The following CTNNA2 variants were observed in gnomAD, a reference collection of about 807,000 sequenced individuals.
CTNNA2 encodes the protein catenin alpha 2, also known as catenin alpha-2.
CTNNA2 carries 42 observed loss-of-function variants against 101.0 expected under a neutral mutation model. That is an observed-to-expected ratio of 0.42 (90% CI 0.32 to 0.54). CTNNA2 has a LOEUF of 0.54. Among genes scored for constraint, CTNNA2 ranks in the 20% least tolerant of loss-of-function variants. CTNNA2 has a pLI of 0.14. For synonymous variants in CTNNA2, 450 were observed against 456.4 expected (o/e 0.99, Z 0.18); for missense variants, 871 against 1,223.1 (o/e 0.71, Z 4.29).
intron 7 of CTNNA2, among the ~76,000 whole-genome samples, chr2:80,377,218 A>C (rs1297977752): frequency 6.6e-6 from 1 of 152,216 alleles, no homozygotes; most frequent in Non-Finnish European, 1.5e-5. Context: ...TCCAGCCTAT[A>C]AAACAATTTA....
At chr2:79,981,587 A>G (rs1176121009) in intron 7 of CTNNA2, among the ~76,000 whole-genome samples, 3 of 152,160 alleles carry the variant, frequency 2.0e-5, no homozygotes, top group African/African-American at 7.2e-5. Flanking sequence ...CATGTATTCC[A>G]GAAGACAGTT....
intron 2 of CTNNA2, among the ~76,000 whole-genome samples, chr2:79,665,994 G>C (rs928530729): frequency 1.3e-5 from 2 of 152,130 alleles, no homozygotes; most frequent in Non-Finnish European, 2.9e-5. Context: ...CGAACTCCCA[G>C]TTTACACTGT....
chr2:80,017,785 G>C (rs1694261257), intron 7 of CTNNA2, among the ~76,000 whole-genome samples: 2 of 151,996 alleles, frequency 1.3e-5, no homozygotes, highest in South Asian at 4.1e-4. Context: ...AGCGCTTCTG[G>C]TTTAACTTTT....
intron 2 of CTNNA2, among the ~76,000 whole-genome samples, chr2:79,242,890 G>C (rs912427021): frequency 2.6e-5 from 4 of 151,290 alleles, no homozygotes; most frequent in East Asian, 2.0e-4. Context: ...ATTCGTTGAG[G>C]GGGGAGTATG....
At chr2:79,919,507 G>A (rs940345114) in intron 7 of CTNNA2, among the ~76,000 whole-genome samples, 4 of 152,170 alleles carry the variant, frequency 2.6e-5, no homozygotes, top group Non-Finnish European at 2.9e-5. Flanking sequence ...TGACTTAGTA[G>A]CTGAGATTGT....
At chr2:79,300,412 C>T (rs988837816) in intron 2 of CTNNA2, among the ~76,000 whole-genome samples, 3 of 152,084 alleles carry the variant, frequency 2.0e-5, no homozygotes, top group African/African-American at 7.2e-5. Flanking sequence ...TAACAATAGA[C>T]CATAGAATCC....
At chr2:79,258,662 G>A (rs1042051186) in intron 2 of CTNNA2, among the ~76,000 whole-genome samples, 1 of 152,014 alleles carries the variant, frequency 6.6e-6, no homozygotes. Flanking sequence ...GTCAAGTAGT[G>A]GCAGACCAGG....
intron 9 of CTNNA2, among the ~76,000 whole-genome samples, chr2:80,442,477 A>G (rs1682679861): frequency 6.6e-6 from 1 of 152,188 alleles, no homozygotes; most frequent in Non-Finnish European, 1.5e-5. Context: ...ACACACATGC[A>G]GTGACCCCCA....
intron 9 of CTNNA2, among the ~76,000 whole-genome samples, chr2:80,523,264 A>C (rs894917060): frequency 2.0e-5 from 3 of 152,184 alleles, no homozygotes; most frequent in African/African-American, 7.2e-5. Flanking sequence ...GCAGAAAGGA[A>C]AGTGAAGTTG....
intron 1 of CTNNA2, among the ~76,000 whole-genome samples, chr2:79,190,780 G>A (rs1050167121): frequency 2.6e-5 from 4 of 152,110 alleles, no homozygotes; most frequent in Non-Finnish European, 4.4e-5. Flanking sequence ...TTATGTACCC[G>A]AGTTGTGTTC....
chr2:79,229,983 G>A (rs983696352), intron 2 of CTNNA2, among the ~76,000 whole-genome samples: 4 of 152,200 alleles, frequency 2.6e-5, no homozygotes, highest in African/African-American at 9.6e-5. Context: ...AAACAGCAAA[G>A]CACTCAGGAT....
At chr2:80,318,167 T>A (rs1678316399) in intron 7 of CTNNA2, among the ~76,000 whole-genome samples, 2 of 152,192 alleles carry the variant, frequency 1.3e-5, no homozygotes, top group African/African-American at 4.8e-5. Flanking sequence ...ATATTTTAGA[T>A]AATAGTCTTT....
intron 2 of CTNNA2, among the ~76,000 whole-genome samples, chr2:79,733,772 C>T (rs1004867388): frequency 6.6e-6 from 1 of 152,024 alleles, no homozygotes; most frequent in African/African-American, 2.4e-5. Flanking sequence ...TCCTGCATCT[C>T]ACCATCGACT....
chr2:79,814,608 TACACACACACACACACAC>T (rs146240455), intron 3 of CTNNA2, among the ~76,000 whole-genome samples: 1 of 145,094 alleles, frequency 6.9e-6, no homozygotes, highest in Non-Finnish European at 1.5e-5. Flanking sequence ...TATGTGTGTA[TACACACACACACACACAC>T]ACACACACAC....
At chr2:79,525,860 T>C (rs1351535105) in intron 1 of CTNNA2, among the ~76,000 whole-genome samples, 1 of 152,020 alleles carries the variant, frequency 6.6e-6, no homozygotes, top group African/African-American at 2.4e-5. Flanking sequence ...AATACTAATA[T>C]GATAAGTTTC....
At chr2:80,311,179 C>T (rs1295414872) in intron 7 of CTNNA2, among the ~76,000 whole-genome samples, 2 of 151,928 alleles carry the variant, frequency 1.3e-5, no homozygotes, top group Non-Finnish European at 2.9e-5. Flanking sequence ...ATCCTTATAC[C>T]TTTGAATATA....
chr2:80,596,788 G>A (rs1267711048), intron 15 of CTNNA2, among the ~76,000 whole-genome samples: 12 of 94,144 alleles, frequency 1.3e-4, no homozygotes, highest in Admixed American at 1.1e-3. Context: ...CTTGTGTCCG[G>A]TTTTCAAAGG....
chr2:79,703,723 C>A (rs1685161398), intron 2 of CTNNA2, among the ~76,000 whole-genome samples: 1 of 152,038 alleles, frequency 6.6e-6, no homozygotes, highest in Non-Finnish European at 1.5e-5. Flanking sequence ...TAATTTAGAG[C>A]AAATTTTTAA....
intron 7 of CTNNA2, among the ~76,000 whole-genome samples, chr2:79,984,889 A>C (rs1691654778): frequency 6.6e-6 from 1 of 152,170 alleles, no homozygotes; most frequent in Non-Finnish European, 1.5e-5. Flanking sequence ...ACCTATAGTA[A>C]GGATTGGCAA....
Sources: gnomAD v4.1 joint callset for allele counts (sites outside exome capture counted in the v4.1 genomes callset) on GRCh38, gnomAD v4.1.1 for gene constraint, MANE v1.5 for transcripts, NCBI Gene and HGNC (gene_info 2026-07-23, HGNC 2026-07-21) for gene names.